Variants in MCUB observed in about 807,000 individuals in gnomAD.
MCUB encodes mitochondrial calcium uniporter dominant negative subunit beta.
MCUB carries 46 observed loss-of-function variants against 41.4 expected under a neutral mutation model. The observed-to-expected ratio is 1.11, with a 90% CI of 0.88 to 1.42. The LOEUF is 1.42. MCUB is among the 40% of genes most tolerant of loss of function. The pLI, the probability that MCUB is intolerant of heterozygous loss-of-function variation, is 0.00. For synonymous variants in MCUB, 148 were observed against 148.2 expected, an observed-to-expected ratio of 1.00 and a Z score of 0.01; for missense variants, 403 against 404.9, an observed-to-expected ratio of 1.00 and a Z score of 0.04.
chr4:109,565,154 A>C (rs1251302580), intron 1 of MCUB, among the ~76,000 whole-genome samples: 5 of 152,246 alleles, frequency 3.3e-5, no homozygotes, highest in Non-Finnish European at 5.9e-5. Context: ...ATGGGTGGTG[A>C]TATGACCAGA....
At chr4:109,660,120 C>A in intron 2 of MCUB, 75 bp from the exon 3 acceptor site, 1 of 750,290 alleles carries the variant, frequency 1.3e-6, no homozygotes, top group Non-Finnish European at 2.2e-6. Context: ...TTGAGCATTC[C>A]TTCTAGAATT....
intron 1 of MCUB, among the ~76,000 whole-genome samples, chr4:109,632,488 G>A (rs1265864804): frequency 6.6e-6 from 1 of 152,166 alleles, no homozygotes; most frequent in Non-Finnish European, 1.5e-5. Flanking sequence ...TGTGGGGCAG[G>A]AATTTGGGAG....
At chr4:109,659,306 C>G (rs978662783) in intron 2 of MCUB, among the ~76,000 whole-genome samples, 1 of 151,826 alleles carries the variant, frequency 6.6e-6, no homozygotes, top group Admixed American at 6.6e-5. Context: ...AGATGATAAG[C>G]AATAGTCGGG....
intron 1 of MCUB, among the ~76,000 whole-genome samples, chr4:109,623,870 GAGAC>G (rs1269653790): frequency 6.6e-6 from 1 of 152,108 alleles, no homozygotes; most frequent in Non-Finnish European, 1.5e-5. Flanking sequence ...TATTTTTAGA[GAGAC>G]AGTCTTGTTC....
At chr4:109,605,155 T>C (rs1159426661) in intron 1 of MCUB, among the ~76,000 whole-genome samples, 1 of 152,124 alleles carries the variant, frequency 6.6e-6, no homozygotes, top group Non-Finnish European at 1.5e-5. Context: ...TCTTGGGCTT[T>C]TTTTTTCCTT....
intron 1 of MCUB, among the ~76,000 whole-genome samples, chr4:109,598,588 A>G (rs1333251020): frequency 7.4e-6 from 1 of 134,552 alleles, no homozygotes; most frequent in Non-Finnish European, 1.8e-5. Flanking sequence ...AGACCGTGGA[A>G]ACAGAGGGAG....
intron 1 of MCUB, among the ~76,000 whole-genome samples, chr4:109,563,222 G>A (rs562896338): frequency 2.2e-4 from 33 of 152,166 alleles, no homozygotes; most frequent in African/African-American, 6.5e-4. Context: ...TCCCTGATAC[G>A]ATTTCATGTC....
chr4:109,664,499 A>G, intron 4 of MCUB, 105 bp downstream of exon 4: 1 of 577,590 alleles, frequency 1.7e-6, no homozygotes, highest in Non-Finnish European at 3.1e-6. Context: ...GTCATAGCTC[A>G]CTGTAATCTC....
At chr4:109,615,451 G>A (rs1227776781) in intron 1 of MCUB, among the ~76,000 whole-genome samples, 2 of 151,160 alleles carry the variant, frequency 1.3e-5, no homozygotes, top group African/African-American at 4.9e-5. Flanking sequence ...TAGCTCCCAG[G>A]CTGGAGTGCA....
At chr4:109,579,663 G>A (rs917764723) in intron 1 of MCUB, among the ~76,000 whole-genome samples, 8 of 152,076 alleles carry the variant, frequency 5.3e-5, no homozygotes, top group African/African-American at 1.2e-4. Flanking sequence ...TGAATGTATC[G>A]AGGAAGGGAA....
At chr4:109,585,774 G>GC (rs1194530430) in intron 1 of MCUB, among the ~76,000 whole-genome samples, 3 of 152,250 alleles carry the variant, frequency 2.0e-5, no homozygotes, top group Non-Finnish European at 2.9e-5. Flanking sequence ...TTGAATATTG[G>GC]CCCCCACTGT....
intron 1 of MCUB, among the ~76,000 whole-genome samples, chr4:109,619,049 T>A (rs1211704049): frequency 6.7e-6 from 1 of 148,374 alleles, no homozygotes. Flanking sequence ...CCTACCTACC[T>A]ACCTACCTAC....
chr4:109,565,648 C>T (rs1215686431), intron 1 of MCUB, among the ~76,000 whole-genome samples: 12 of 152,128 alleles, frequency 7.9e-5, no homozygotes. Context: ...CTGTTTCGTT[C>T]ATTATCTAAT....
At chr4:109,587,673 T>C (rs1171732986) in intron 1 of MCUB, among the ~76,000 whole-genome samples, 1 of 152,142 alleles carries the variant, frequency 6.6e-6, no homozygotes, top group Non-Finnish European at 1.5e-5. Flanking sequence ...ATATTATCTT[T>C]AAAAAAAGGT....
At chr4:109,579,321 T>C (rs28477886) in intron 1 of MCUB, among the ~76,000 whole-genome samples, 2,736 of 151,878 alleles carry the variant, frequency 0.018, 61 homozygotes, top group South Asian at 0.072. Context: ...GTGATCTCAG[T>C]TCACTGCAAC....
intron 1 of MCUB, among the ~76,000 whole-genome samples, chr4:109,563,241 A>AG (rs1376811925): frequency 6.6e-6 from 1 of 152,190 alleles, no homozygotes; most frequent in Admixed American, 6.5e-5. Flanking sequence ...TCCCCAGTAC[A>AG]GCATTTGAGT....
Position 109,566,220 on chromosome 4 carries a change from A to G in MCUB, c.99+5784A>G, listed in dbSNP as rs1726771986. Among the ~76,000 whole-genome samples the G allele has an allele frequency of 3.3e-5, 5 of 151,074 alleles. No homozygotes were observed. In the South Asian group the frequency reaches 8.4e-4, roughly 25 times the overall value. On this transcript the variant is annotated intron_variant, in intron 1 of 7. Transcript: ENST00000394650. The stretch of plus-strand genomic sequence containing the variant: ...CACAGTGGCTCACGCCTGTAATTCC[A>G]GCACTTTGGGAGGCCAAGGTGGGCA...
chr4:109,617,826 T>C (rs936917303), intron 1 of MCUB, among the ~76,000 whole-genome samples: 1 of 152,236 alleles, frequency 6.6e-6, no homozygotes, highest in Non-Finnish European at 1.5e-5. Context: ...GCAAAAATTT[T>C]ATTTTCTCTT....
chr4:109,578,998 G>A (rs1453776475), intron 1 of MCUB, among the ~76,000 whole-genome samples: 3 of 152,098 alleles, frequency 2.0e-5, no homozygotes, highest in Non-Finnish European at 4.4e-5. Flanking sequence ...CTGTTCATTG[G>A]AGTCCCGCCT....
Sources: allele counts gnomAD v4.1 joint callset (sites outside exome capture counted in the v4.1 genomes callset), GRCh38; gene constraint gnomAD v4.1.1; transcripts MANE v1.5; gene names NCBI Gene and HGNC (gene_info 2026-07-23, HGNC 2026-07-21).